Variants in AKAP13 observed in about 807,000 individuals in gnomAD.
AKAP13 encodes the protein A-kinase anchor protein 13.
Under a neutral mutation model 264.5 loss-of-function variants are expected in AKAP13, and 80 were observed. The ratio of observed to expected loss-of-function variants is 0.30; its 90% CI spans 0.25 to 0.36. The LOEUF is 0.36. AKAP13 is among the 10% of genes least tolerant of loss of function. AKAP13 has a pLI of 1.00. For synonymous variants in AKAP13, 1,380 were observed against 1,250.2 expected (o/e 1.10, Z -2.19); for missense variants, 3,712 against 3,435.2 (o/e 1.08, Z -2.01).
chr15:85,664,739 G>A lies in AKAP13; in HGVS notation c.4976G>A (p.Arg1659Lys). The A allele has an allele frequency of 1.2e-6, 2 of 1,612,592 alleles. No individual in the cohort carries two copies. The highest frequency in any genetic ancestry group is 2.7e-5 in the African/African-American group (2 of 74,952). The part of the protein sequence containing the change: ...EDLESDQREH[R>K]MFDQQICHRS... Reference sequence around the variant, plus strand: ...CTGGAGTCAGACCAGAGAGAACATAGGATGTTTGATCAGCAGGTAAGTCTT... The same window carrying A: ...CTGGAGTCAGACCAGAGAGAACATAAGATGTTTGATCAGCAGGTAAGTCTT... Residue 1659 changes from arginine (R) to lysine (K), a missense_variant, in exon 13 of 37, where the codon AGG becomes AAG. Arg to Lys is a conservative substitution (Grantham distance 26, BLOSUM62 2). Coordinates refer to ENST00000394518, the MANE Select transcript of AKAP13 (RefSeq NM_007200.5).
At chr15:85,384,903 G>T (rs2070474864) in intron 1 of AKAP13, among the ~76,000 whole-genome samples, 1 of 152,124 alleles carries the variant, frequency 6.6e-6, no homozygotes. Context: ...GATGGACCTG[G>T]TACTGAAATA....
rs776918045 is a variant in AKAP13 at position 85,581,254 on chromosome 15, T to G, written c.3186T>G (p.Pro1062=). The change falls in exon 7 of 37, where the codon CCT becomes CCG. Residue 1062 remains proline (P), a synonymous_variant. Coordinates refer to ENST00000394518, the MANE Select transcript of AKAP13 (RefSeq NM_007200.5). ...CCGATGCTCTTAACTGCAGTCAGCC[T>G]TCTCCTCTGGATGTTGGAGTGAAGA... ...DGSDALNCSQ[P]SPLDVGVKNT... 2.2e-5 allele frequency: 35 copies of G among 1,614,056 alleles called. No homozygotes were observed. Among genetic ancestry groups the G allele is most frequent in the Non-Finnish European group, 3.0e-5 (35 of 1,180,028 alleles).
intron 8 of AKAP13, among the ~76,000 whole-genome samples, chr15:85,606,118 T>TTTTTTTTTTTG (rs2080319216): frequency 7.1e-6 from 1 of 141,522 alleles, no homozygotes; most frequent in African/African-American, 2.8e-5. Context: ...TTTTTTTTTG[T>TTTTTTTTTTTG]TGAGATGTAG....
At chr15:85,390,483 G>A (rs369368819) in intron 1 of AKAP13, among the ~76,000 whole-genome samples, 5 of 152,180 alleles carry the variant, frequency 3.3e-5, no homozygotes, top group Admixed American at 3.3e-4. Context: ...AGAGCGTGAG[G>A]AGATAAGGTT....
At chr15:85,620,140 G>A (rs1567159152) in intron 8 of AKAP13, 4 of 1,536,056 alleles carry the variant, frequency 2.6e-6, no homozygotes, top group South Asian at 1.2e-5. Context: ...CATCTCCAAG[G>A]TGGACAGGAC....
intron 5 of AKAP13, among the ~76,000 whole-genome samples, chr15:85,567,541 G>A (rs1039781531): frequency 6.6e-6 from 1 of 152,204 alleles, no homozygotes; most frequent in Non-Finnish European, 1.5e-5. Flanking sequence ...AGGACAAGCT[G>A]TGTGCATGTG....
At chr15:85,680,082 C>T (rs914559506) in intron 14 of AKAP13, among the ~76,000 whole-genome samples, 4 of 152,222 alleles carry the variant, frequency 2.6e-5, no homozygotes, top group Non-Finnish European at 4.4e-5. Flanking sequence ...CCACACATAT[C>T]TGCTGGAAGC....
chr15:85,650,780 A>AAAAAAAAAAAAAAAT (rs1567175452), intron 10 of AKAP13, among the ~76,000 whole-genome samples: 1 of 145,798 alleles, frequency 6.9e-6, no homozygotes, highest in African/African-American at 2.5e-5. Flanking sequence ...AAAAAAAAAA[A>AAAAAAAAAAAAAAAT]AAAAAAAAAA....
chr15:85,542,841 A>G (rs1421818582), intron 4 of AKAP13, among the ~76,000 whole-genome samples: 1 of 152,242 alleles, frequency 6.6e-6, no homozygotes, highest in African/African-American at 2.4e-5. Context: ...AATGTCTACT[A>G]CAGCCAGTCA....
intron 1 of AKAP13, among the ~76,000 whole-genome samples, chr15:85,402,092 C>G (rs182199593): frequency 2.0e-5 from 3 of 152,122 alleles, no homozygotes; most frequent in Admixed American, 2.0e-4. Context: ...AAAAATGAAA[C>G]GGTTAAACTG....
intron 14 of AKAP13, among the ~76,000 whole-genome samples, chr15:85,676,776 G>A (rs117856800): frequency 1.1e-4 from 16 of 152,250 alleles, no homozygotes; most frequent in Non-Finnish European, 2.2e-4. Flanking sequence ...GTATTTATTA[G>A]CCAAATTTTT....
At chr15:85,396,901 C>CT (rs34499592) in intron 1 of AKAP13, among the ~76,000 whole-genome samples, 11,096 of 114,542 alleles carry the variant, frequency 0.097, 693 homozygotes, top group East Asian at 0.26. Flanking sequence ...GTATGTTAGA[C>CT]TTTTTTTTTT....
At chr15:85,507,122 C>T (rs1271776262) in intron 2 of AKAP13, among the ~76,000 whole-genome samples, 3 of 152,114 alleles carry the variant, frequency 2.0e-5, no homozygotes, top group African/African-American at 7.2e-5. Flanking sequence ...CTATTTATAG[C>T]ACCTGTTATA....
intron 1 of AKAP13, among the ~76,000 whole-genome samples, chr15:85,482,530 G>A (rs1243183513): frequency 6.6e-6 from 1 of 152,140 alleles, no homozygotes; most frequent in Non-Finnish European, 1.5e-5. Flanking sequence ...TTGTAGGATG[G>A]GGCTCGAGGT....
At chr15:85,527,208 C>T (rs1166618148) in intron 3 of AKAP13, among the ~76,000 whole-genome samples, 1 of 152,118 alleles carries the variant, frequency 6.6e-6, no homozygotes, top group African/African-American at 2.4e-5. Flanking sequence ...CGTGATCCGC[C>T]CGCCTTGGCC....
At chr15:85,722,765 A>G (rs969478714) in intron 25 of AKAP13, among the ~76,000 whole-genome samples, 9 of 151,868 alleles carry the variant, frequency 5.9e-5, no homozygotes, top group African/African-American at 2.2e-4. Flanking sequence ...AGTAAAACAA[A>G]TAAAAAAAAA....
At chr15:85,583,968 C>CT (rs1236319802) in intron 7 of AKAP13, among the ~76,000 whole-genome samples, 1 of 152,116 alleles carries the variant, frequency 6.6e-6, no homozygotes, top group Non-Finnish European at 1.5e-5. Flanking sequence ...CAGAGGAACT[C>CT]TGTATTGATG....
intron 3 of AKAP13, among the ~76,000 whole-genome samples, chr15:85,530,665 G>C (rs1317218792): frequency 1.3e-5 from 2 of 152,104 alleles, no homozygotes; most frequent in Non-Finnish European, 2.9e-5. Flanking sequence ...TTACAGATTA[G>C]CTTAATTTTG....
At position 85,515,568 on chromosome 15, in the gene AKAP13, C is replaced by G. The variant is rs574405579; in HGVS notation, c.34-5860C>G. Among the ~76,000 whole-genome samples the G allele has an allele frequency of 1.4e-4, 19 of 139,036 alleles. 2 individuals carry two copies. Among genetic ancestry groups the G allele is most frequent in the African/African-American group, 4.6e-4 (16 of 34,794 alleles). 91.2% of individuals were successfully genotyped at this position (139,036 alleles called of 152,430 possible). On this transcript the variant is annotated intron_variant, in intron 2 of 36. Coordinates refer to ENST00000394518, the MANE Select transcript of AKAP13 (RefSeq NM_007200.5). The stretch of plus-strand genomic sequence containing the variant: ...AGCTTGTTTTTATTAAGTATTCACT[C>G]CAAAATCATGTGTTGTGTTTAGTTG...
Sources: allele counts gnomAD v4.1 joint callset (sites outside exome capture counted in the v4.1 genomes callset), GRCh38; gene constraint gnomAD v4.1.1; transcripts MANE v1.5; gene names NCBI Gene and HGNC (gene_info 2026-07-23, HGNC 2026-07-21).